The following DDX54 variants were observed in gnomAD, a reference collection of about 807,000 sequenced individuals.
The protein encoded by DDX54 is ATP-dependent RNA helicase DDX54.
In DDX54, 67 loss-of-function variants were observed where a neutral mutation model predicts 105.5. The ratio of observed to expected loss-of-function variants is 0.64; its 90% CI spans 0.52 to 0.78. DDX54 has a LOEUF of 0.78. Among genes scored for constraint, DDX54 ranks in the 30% least tolerant of loss-of-function variants. The pLI is 0.00. For synonymous variants in DDX54, 514 were observed against 509.9 expected (o/e 1.01, Z -0.11); for missense variants, 1,206 against 1,230.5 (o/e 0.98, Z 0.30).
At chr12:113,185,195 C>A in intron 1 of DDX54, 83 bp downstream of exon 1, 1 of 1,413,044 alleles carries the variant, frequency 7.1e-7, no homozygotes, top group South Asian at 1.5e-5. Flanking sequence ...AGCCCAATCC[C>A]CAGCTGGGGA....
chr12:113,164,370 TTCTTCCCCAAG>T, intron 14 of DDX54, 85 bp from the exon 15 acceptor site: 1 of 1,450,940 alleles, frequency 6.9e-7, no homozygotes, highest in Non-Finnish European at 9.1e-7. Context: ...CCTATGGGCG[TTCTTCCCCAAG>T]TCTTCCCCAG....
At chr12:113,171,261 A>G (rs1952334885) in intron 11 of DDX54, among the ~76,000 whole-genome samples, 2 of 152,128 alleles carry the variant, frequency 1.3e-5, no homozygotes, top group Non-Finnish European at 2.9e-5. Flanking sequence ...GCGGGAGGGG[A>G]ATAAGGAGAT....
At chr12:113,161,466 C>G (rs1433445661) in intron 18 of DDX54, 84 bp from the exon 19 acceptor site, 1 of 1,109,132 alleles carries the variant, frequency 9.0e-7, no homozygotes, top group Admixed American at 2.1e-5. Context: ...AGACAGAGTT[C>G]CGTTATCCCA....
chr12:113,159,221 G>A (rs1408850471), intron 19 of DDX54, 112 bp from the exon 20 acceptor site: 4 of 1,207,248 alleles, frequency 3.3e-6, no homozygotes, highest in Non-Finnish European at 4.6e-6. Flanking sequence ...TGTGCTTATT[G>A]CTGTGGCCCA....
chr12:113,176,587 A>G (rs1048584731), intron 7 of DDX54, among the ~76,000 whole-genome samples: 1 of 152,140 alleles, frequency 6.6e-6, no homozygotes, highest in Non-Finnish European at 1.5e-5. Flanking sequence ...AAATAAATAA[A>G]TAAATCCCAT....
chr12:113,177,229 G>A, intron 5 of DDX54, 136 bp from the exon 6 acceptor site: 1 of 980,322 alleles, frequency 1.0e-6, no homozygotes, highest in African/African-American at 1.6e-5. Context: ...GGAAAGGCCA[G>A]TGCTGAGGTA....
intron 19 of DDX54, 21 bp downstream of exon 19, chr12:113,161,249 A>C (rs1592996591): frequency 6.3e-7 from 1 of 1,595,074 alleles, no homozygotes; most frequent in Non-Finnish European, 8.6e-7. Context: ...GTGCACCCAC[A>C]CTCCCCACCC....
chr12:113,182,254 CTGT>C (rs1952476455), intron 1 of DDX54, among the ~76,000 whole-genome samples: 1 of 152,218 alleles, frequency 6.6e-6, no homozygotes, highest in Non-Finnish European at 1.5e-5. Context: ...GCTTCAGAGA[CTGT>C]GTTCTTTTCA....
chr12:113,166,322 T>G (rs1952275374), intron 12 of DDX54, among the ~76,000 whole-genome samples: 1 of 152,154 alleles, frequency 6.6e-6, no homozygotes. Context: ...CAGCTGTTTT[T>G]GCACTACAAG....
rs370671347 is a variant in DDX54, at chr12:113,158,816, G to T, written c.*61C>A. The T allele has an allele frequency of 4.0e-6, 6 of 1,508,916 alleles. No individual in the cohort carries two copies. Among genetic ancestry groups the T allele is most frequent in the East Asian group, 4.6e-5 (2 of 43,448 alleles). The allele number at this position is 1,508,916 out of a possible 1,614,324, so 93.5% of individuals were successfully genotyped here. A position where few individuals can be genotyped will look rare whatever the true frequency, so the allele number is the denominator to read the frequency against. ...GGGCCAGGCACACAGTGGTGCACGG[G>T]AACGTCTGCTGATGCCCACCCTAAG... On this transcript the variant is annotated 3_prime_UTR_variant, in exon 20 of 20. Coordinates refer to ENST00000306014, the MANE Select transcript of DDX54 (RefSeq NM_024072.4). The surrounding 1 kb of genome is among the most constrained non-coding windows in gnomAD (Gnocchi z 4.9).
intron 2 of DDX54, among the ~76,000 whole-genome samples, chr12:113,180,500 G>T (rs1952453727): frequency 6.6e-6 from 1 of 152,144 alleles, no homozygotes; most frequent in Non-Finnish European, 1.5e-5. Context: ...CAAACGCTAA[G>T]ATTACAGGCA....
At chr12:113,161,219 C>A in intron 19 of DDX54, 51 bp downstream of exon 19, 1 of 1,486,968 alleles carries the variant, frequency 6.7e-7, no homozygotes, top group South Asian at 1.2e-5. Context: ...CTAATCTGAC[C>A]ACAACTGCTC....
rs1237438024 is a variant in DDX54 at position 113,164,239 on chromosome 12, A to G, written c.1766T>C (p.Val589Ala). Residue 589 changes from valine to alanine, a missense_variant, in exon 15 of 20, where the codon GTG (valine) becomes GCG (alanine). This residue lies in a region of DDX54 where 961 missense variants were observed against 1,019.1 expected (regional missense o/e 0.94). Transcript: ENST00000306014. ...GTCCTTCTGCCGCTTGGCGCGCATCACCTGGCTGCACAGGTCTCGGCTGGA... is the reference window on the plus strand; with the variant it reads ...GTCCTTCTGCCGCTTGGCGCGCATCGCCTGGCTGCACAGGTCTCGGCTGGA... ...NASSRDLCSQ[V>A]MRAKRQKDRK... 2.5e-6 allele frequency: 4 copies of G among 1,596,100 alleles called. No individual in the cohort carries two copies. The highest frequency in any genetic ancestry group is 3.4e-6 in the Non-Finnish European group (4 of 1,172,476).
intron 19 of DDX54, among the ~76,000 whole-genome samples, chr12:113,159,560 G>A (rs1325380360): frequency 2.0e-5 from 3 of 152,118 alleles, no homozygotes; most frequent in African/African-American, 4.8e-5. Context: ...CCTACGGCAC[G>A]CCAGGCTCTG....
chr12:113,168,823 G>C (rs374073074), intron 12 of DDX54, among the ~76,000 whole-genome samples: 2 of 152,130 alleles, frequency 1.3e-5, no homozygotes, highest in South Asian at 2.1e-4. Context: ...CCAGCTACTC[G>C]GGAGGCTGAG....
chr12:113,162,876 C>A, intron 17 of DDX54, 56 bp downstream of exon 17: 1 of 1,489,066 alleles, frequency 6.7e-7, no homozygotes, highest in Non-Finnish European at 9.0e-7. Flanking sequence ...CACGGAGGAG[C>A]AGCTCACTCG....
chr12:113,179,040 G>C lies in DDX54; in HGVS notation c.565-14C>G, dbSNP rs1566100365. 5.0e-6 allele frequency: 8 copies of C among 1,613,924 alleles called. No individual in the cohort carries two copies. Among genetic ancestry groups the C allele is most frequent in the African/African-American group, 2.7e-5 (2 of 74,916 alleles). ...GAACTTGCCTAGCTGAGAAGAGAAA[G>C]TGATTGAGAGAGGGCAGGGGTGAGA... On this transcript the variant is annotated splice_polypyrimidine_tract_variant and intron_variant, in intron 4 of 19. Transcript: ENST00000306014.
chr12:113,157,298 T>G lies in DDX54; in HGVS notation c.*1579A>C. The G allele has an allele frequency of 2.4e-6, 1 of 411,206 alleles. No individual in the cohort carries two copies. The highest frequency in any genetic ancestry group is 4.4e-6 in the Non-Finnish European group (1 of 227,194). 25.5% of individuals were successfully genotyped at this position (411,206 alleles called of 1,614,324 possible). On this transcript the variant is annotated 3_prime_UTR_variant, in exon 20 of 20. Transcript: ENST00000306014. ...AAACCAATGAATATGACTGATCCAG[T>G]TACAAGAAAATAAAGCTGATTGATG...
In DDX54 at chr12:113,175,161, G is replaced by C. The variant is rs1952389054; in HGVS notation, c.753-4C>G. 2 of 1,603,932 alleles carry C rather than the reference G, an allele frequency of 1.2e-6. No homozygotes were observed. Among genetic ancestry groups the C allele is most frequent in the African/African-American group, 1.3e-5 (1 of 75,020 alleles). ...TGCGAAACCCATTTCAAAAAGCCTGGAAGGGTAGAGGGCAGGACTGGGTCA... is the reference window on the plus strand; with the variant it reads ...TGCGAAACCCATTTCAAAAAGCCTGCAAGGGTAGAGGGCAGGACTGGGTCA... On this transcript the variant is annotated splice_region_variant and splice_polypyrimidine_tract_variant and intron_variant, in intron 7 of 19. Transcript: ENST00000306014.
Sources: gnomAD v4.1 joint callset for allele counts (sites outside exome capture counted in the v4.1 genomes callset) on GRCh38, gnomAD v4.1.1 for gene constraint, gnomAD v4.1.1 regional missense constraint, Gnocchi (gnomAD v3.1) non-coding constraint, MANE v1.5 for transcripts, NCBI Gene and HGNC (gene_info 2026-07-23, HGNC 2026-07-21) for gene names.